Variants in CCDC6 observed in about 807,000 individuals in gnomAD.
CCDC6 encodes coiled-coil domain-containing protein 6.
CCDC6 carries 20 observed loss-of-function variants against 56.6 expected under a neutral mutation model. The ratio of observed to expected loss-of-function variants is 0.35; its 90% confidence interval spans 0.25 to 0.51. The LOEUF (loss-of-function observed/expected upper bound fraction) is 0.51, where lower values mean the gene tolerates loss of function less well. Ranked by LOEUF, CCDC6 falls within the 20% of genes least tolerant of loss-of-function variation. CCDC6 has a pLI of 0.95. For synonymous variants in CCDC6, 241 were observed against 234.4 expected, an observed-to-expected ratio of 1.03 and a Z score of -0.26; for missense variants, 367 against 601.1, an observed-to-expected ratio of 0.61 and a Z score of 4.07.
chr10:59,830,038 TAC>T (rs1324876656), intron 3 of CCDC6, among the ~76,000 whole-genome samples: 1 of 152,204 alleles, frequency 6.6e-6, no homozygotes, highest in East Asian at 1.9e-4. Context: ...CCTTCTGAAA[TAC>T]AGAGGACCAC....
At chr10:59,879,680 C>T (rs1270208546) in intron 1 of CCDC6, among the ~76,000 whole-genome samples, 2 of 152,152 alleles carry the variant, frequency 1.3e-5, no homozygotes, top group Non-Finnish European at 2.9e-5. Flanking sequence ...TACTGAGATA[C>T]CCAATCACAG....
At position 59,824,998 on chromosome 10, in the gene CCDC6, C is replaced by T. The variant is rs530446208; in HGVS notation, c.582+7527G>A. On this transcript the variant is annotated intron_variant, in intron 3 of 8. Coordinates refer to ENST00000263102, the MANE Select transcript of CCDC6 (RefSeq NM_005436.5). ...TGTTTTCAAAATGGCACACAAAAAT[C>T]GGTAGGTGCTCTACTCAGCACAATT... Among the ~76,000 whole-genome samples, 15 of 152,298 alleles carry T rather than the reference C, an allele frequency of 9.8e-5. 1 individual carries two copies. Among genetic ancestry groups the T allele is most frequent in the African/African-American group, 3.4e-4 (14 of 41,576 alleles).
rs113356261 is a variant in CCDC6 at position 59,803,489 on chromosome 10, A to G, written c.1105+931T>C. ...CAGTCCCCTCCATACTTTTCTCCCA[A>G]CTCTGCTGAAAATCTGCTTACCAGC... On this transcript the variant is annotated intron_variant, in intron 7 of 8. Transcript: ENST00000263102. Among the ~76,000 whole-genome samples, 1,193 of 152,004 alleles carry G rather than the reference A, an allele frequency of 7.8e-3. 13 individuals carry two copies. Among genetic ancestry groups the G allele is most frequent in the African/African-American group, 0.027 (1,120 of 41,464 alleles).
At chr10:59,818,094 T>C (rs912106084) in intron 3 of CCDC6, among the ~76,000 whole-genome samples, 3 of 152,090 alleles carry the variant, frequency 2.0e-5, no homozygotes, top group Admixed American at 2.0e-4. Flanking sequence ...GAGGGAAACA[T>C]GGATTTAGGG....
chr10:59,802,495 C>G (rs925540896), intron 7 of CCDC6, among the ~76,000 whole-genome samples: 1 of 152,110 alleles, frequency 6.6e-6, no homozygotes, highest in Non-Finnish European at 1.5e-5. Flanking sequence ...ATGTATAGCA[C>G]TACAATGTAC....
At chr10:59,847,296 G>A (rs1004341874) in intron 2 of CCDC6, among the ~76,000 whole-genome samples, 10 of 151,848 alleles carry the variant, frequency 6.6e-5, no homozygotes, top group Non-Finnish European at 1.2e-4. Context: ...CTCGTGATCC[G>A]CCCGCCTCGG....
At chr10:59,835,204 T>G (rs138680486) in intron 2 of CCDC6, among the ~76,000 whole-genome samples, 6 of 152,328 alleles carry the variant, frequency 3.9e-5, no homozygotes, top group Non-Finnish European at 8.8e-5. Flanking sequence ...TTCTCAACAT[T>G]ATGCCTCTGC....
chr10:59,812,062 CA>C (rs142710534), intron 5 of CCDC6, among the ~76,000 whole-genome samples: 29,256 of 119,636 alleles, frequency 0.24, 2,946 homozygotes, highest in Middle Eastern at 0.33. Context: ...TTTGAATAGC[CA>C]AAAAAAAAAA....
intron 2 of CCDC6, among the ~76,000 whole-genome samples, chr10:59,850,344 G>A (rs1041336809): frequency 7.7e-6 from 1 of 129,784 alleles, no homozygotes; most frequent in African/African-American, 3.6e-5. Context: ...TAAATTTTAT[G>A]TTACGTAAAA....
chr10:59,882,828 C>T (rs2071354624), intron 1 of CCDC6, among the ~76,000 whole-genome samples: 1 of 151,992 alleles, frequency 6.6e-6, no homozygotes, highest in Admixed American at 6.6e-5. Context: ...GGCGTGGTGG[C>T]GCGCACCTGT....
chr10:59,859,955 G>A lies in CCDC6; in HGVS notation c.304-7253C>T, dbSNP rs193126512. On this transcript the variant is annotated intron_variant, in intron 1 of 8. Coordinates refer to ENST00000263102, the MANE Select transcript of CCDC6 (RefSeq NM_005436.5). ...AAATTAGCTGGGTGTGGTGGCGCAC[G>A]CCTATAATCCCAGCTACTCGGAAAG... 9.2e-4 allele frequency among the ~76,000 whole-genome samples: 140 copies of A among 152,258 alleles called. 1 individual carries two copies. Among genetic ancestry groups the A allele is most frequent in the Admixed American group, 2.2e-3 (33 of 15,284 alleles).
At chr10:59,869,431 A>AAACAAAAAAAAG in intron 1 of CCDC6, among the ~76,000 whole-genome samples, 1 of 9,358 alleles carries the variant, frequency 1.1e-4, no homozygotes, top group African/African-American at 4.8e-4. Context: ...AGAAAAAAGA[A>AAACAAAAAAAAG]AAAAAAAAAA....
intron 2 of CCDC6, among the ~76,000 whole-genome samples, chr10:59,837,375 T>A (rs1211121661): frequency 1.3e-5 from 2 of 152,174 alleles, no homozygotes. Context: ...CTGGGCTTGT[T>A]GTCAAGTCAG....
chr10:59,874,087 G>C lies in CCDC6; in HGVS notation c.304-21385C>G, dbSNP rs556604632. Among the ~76,000 whole-genome samples the C allele has an allele frequency of 4.7e-5, 7 of 149,364 alleles. No homozygotes were observed. In the East Asian group the frequency reaches 1.2e-3, roughly 25 times the overall value. Reference sequence around the variant, plus strand: ...AATGGTGAAGCATGTCCGAAGCGTAGACATTCATTTCCTTACACATTTACC... The same window carrying C: ...AATGGTGAAGCATGTCCGAAGCGTACACATTCATTTCCTTACACATTTACC... On this transcript the variant is annotated intron_variant, in intron 1 of 8. Transcript: ENST00000263102.
At chr10:59,836,817 C>T (rs374632360) in intron 2 of CCDC6, among the ~76,000 whole-genome samples, 3 of 151,956 alleles carry the variant, frequency 2.0e-5, no homozygotes, top group East Asian at 1.9e-4. Flanking sequence ...ACATTTTCAA[C>T]GGAATTAGGG....
chr10:59,842,166 C>T (rs1334223373), intron 2 of CCDC6, among the ~76,000 whole-genome samples: 1 of 152,072 alleles, frequency 6.6e-6, no homozygotes, highest in African/African-American at 2.4e-5. Context: ...CTCAGCATCC[C>T]GAGTAGCTGG....
intron 1 of CCDC6, among the ~76,000 whole-genome samples, chr10:59,854,915 A>C (rs1418823287): frequency 1.3e-5 from 2 of 152,256 alleles, no homozygotes; most frequent in Non-Finnish European, 2.9e-5. Flanking sequence ...GTGCTCTTGC[A>C]GGTGATTCTA....
intron 1 of CCDC6, among the ~76,000 whole-genome samples, chr10:59,859,473 CA>C (rs2132660803): frequency 6.6e-6 from 1 of 152,190 alleles, no homozygotes; most frequent in African/African-American, 2.4e-5. Flanking sequence ...GAGACTAACA[CA>C]AAAGATCAGG....
intron 1 of CCDC6, among the ~76,000 whole-genome samples, chr10:59,894,446 C>A (rs1019149234): frequency 6.6e-6 from 1 of 152,214 alleles, no homozygotes; most frequent in East Asian, 1.9e-4. Context: ...CCAGAGCCTG[C>A]GCTCTCTAAC....
Sources: gnomAD v4.1 joint callset for allele counts (sites outside exome capture counted in the v4.1 genomes callset) on GRCh38, gnomAD v4.1.1 for gene constraint, MANE v1.5 for transcripts, NCBI Gene and HGNC (gene_info 2026-07-23, HGNC 2026-07-21) for gene names.